Variants in OR7E24 observed in about 807,000 individuals in gnomAD.
OR7E24 encodes olfactory receptor family 7 subfamily E member 24.
For missense variants in OR7E24, 385 were observed against 410.3 expected (o/e 0.94, Z 0.53); for synonymous variants, 130 against 157.5 (o/e 0.83, Z 1.31).
the OR7E24 span, among the ~76,000 whole-genome samples, chr19:9,215,660 G>A: frequency 2.0e-5 from 3 of 152,100 alleles, no homozygotes; most frequent in South Asian, 6.2e-4. Flanking sequence ...TTCTTATTGA[G>A]GTTTAAAAAT....
chr19:9,235,780 G>A, the OR7E24 span: 70 of 1,609,670 alleles, frequency 4.3e-5, no homozygotes, highest in Non-Finnish European at 5.6e-5. Context: ...TCCTGTAGCT[G>A]GGATCCTCTT....
chr19:9,207,820 G>A, the OR7E24 span: 7,410 of 152,066 alleles, frequency 0.049, 625 homozygotes, highest in African/African-American at 0.17. Flanking sequence ...CATGAACACT[G>A]AATTTTACTA....
chr19:9,226,354 C>A, the OR7E24 span, among the ~76,000 whole-genome samples: 2 of 152,196 alleles, frequency 1.3e-5, no homozygotes, highest in Non-Finnish European at 2.9e-5. Flanking sequence ...CTGATGTGTC[C>A]ACCCTACTGC....
the OR7E24 span, chr19:9,212,897 T>A: frequency 6.6e-6 from 1 of 152,080 alleles, no homozygotes; most frequent in Non-Finnish European, 1.5e-5. Context: ...GGAAGACAGG[T>A]GTGAGCCACT....
chr19:9,245,930 C>T (rs1435126701), upstream of OR7E24, among the ~76,000 whole-genome samples: 1 of 152,062 alleles, frequency 6.6e-6, no homozygotes, highest in South Asian at 2.1e-4. Flanking sequence ...TGTCTGTGCA[C>T]GGACTGGTGG....
the OR7E24 span, chr19:9,210,055 T>G: frequency 6.6e-6 from 1 of 152,166 alleles, no homozygotes; most frequent in African/African-American, 2.4e-5. Flanking sequence ...TAGAACACTA[T>G]TTTTGCTACT....
chr19:9,207,193 G>A, the OR7E24 span: 2 of 152,052 alleles, frequency 1.3e-5, no homozygotes, highest in South Asian at 2.1e-4. Context: ...GATTTTCTTC[G>A]GATTTCACTC....
the OR7E24 span, among the ~76,000 whole-genome samples, chr19:9,229,252 A>G: frequency 3.3e-5 from 5 of 152,136 alleles, no homozygotes; most frequent in African/African-American, 9.7e-5. Flanking sequence ...CTTTCCTGCC[A>G]GGGATGGTGG....
chr19:9,252,047 T>C lies in OR7E24; in HGVS notation c.1004T>C (p.Phe335Ser). The change falls in exon 1 of 1, where the codon TTT (phenylalanine) becomes TCT (serine). Residue 335 changes from phenylalanine (F) to serine (S), a missense_variant. Phe to Ser is a radical substitution (Grantham distance 155). Coordinates refer to ENST00000456448, the MANE Select transcript of OR7E24 (RefSeq NM_001079935.2). ...ATCAAATCTCATCATCTCCATCCTT[T>C]TTGTTATATGGGATAGAAATGGCAG... ...RIIKSHHLHP[F>S]CYMG 6.2e-7 allele frequency: 1 copy of C among 1,613,530 alleles called. No homozygotes were observed. Among genetic ancestry groups the C allele is most frequent in the Non-Finnish European group, 8.5e-7 (1 of 1,179,686 alleles).
chr19:9,225,942 T>A, the OR7E24 span, among the ~76,000 whole-genome samples: 1 of 152,214 alleles, frequency 6.6e-6, no homozygotes, highest in African/African-American at 2.4e-5. Context: ...CCCAGAGCCA[T>A]CTGTATTCAT....
upstream of OR7E24, among the ~76,000 whole-genome samples, chr19:9,247,183 CT>C (rs2066132822): frequency 1.3e-5 from 2 of 152,170 alleles, no homozygotes; most frequent in African/African-American, 4.8e-5. Context: ...CCAAAAGCTT[CT>C]GTGGACATTC....
upstream of OR7E24, among the ~76,000 whole-genome samples, chr19:9,249,667 C>A (rs975658586): frequency 2.6e-5 from 4 of 152,100 alleles, no homozygotes; most frequent in African/African-American, 7.2e-5. Flanking sequence ...TTTAACATTA[C>A]CTTGGCCAGG....
the OR7E24 span, among the ~76,000 whole-genome samples, chr19:9,240,729 C>T: frequency 1.3e-5 from 2 of 152,036 alleles, no homozygotes; most frequent in Non-Finnish European, 2.9e-5. Flanking sequence ...CAATCTGCTT[C>T]CAAATAAAGT....
chr19:9,213,703 A>G, the OR7E24 span: 3 of 568,292 alleles, frequency 5.3e-6, no homozygotes, highest in African/African-American at 5.6e-5. Flanking sequence ...GCACCACTGC[A>G]CTCTAGCCTG....
At chr19:9,213,763 A>G in the OR7E24 span, 1 of 656,650 alleles carries the variant, frequency 1.5e-6, no homozygotes, top group Non-Finnish European at 2.6e-6. Flanking sequence ...AACAACAACA[A>G]ACAACCCAAT....
chr19:9,241,589 A>AC, the OR7E24 span, among the ~76,000 whole-genome samples: 1 of 152,106 alleles, frequency 6.6e-6, no homozygotes, highest in East Asian at 1.9e-4. Flanking sequence ...ATGTGGTGAA[A>AC]CCCCATCTCT....
At chr19:9,232,538 C>CA in the OR7E24 span, among the ~76,000 whole-genome samples, 9,255 of 61,888 alleles carry the variant, frequency 0.15, 690 homozygotes, top group East Asian at 0.28. Context: ...AACTCCGTCG[C>CA]AAAAAAAAAA....
At chr19:9,236,225 T>A in the OR7E24 span, 3 of 601,254 alleles carry the variant, frequency 5.0e-6, no homozygotes, top group Middle Eastern at 2.9e-4. Context: ...TAAAATGTTT[T>A]TGTATGGCCG....
At chr19:9,246,466 TTGTGTGTGTGTGTGTGTGTG>T (rs34518365), upstream of OR7E24, among the ~76,000 whole-genome samples, 72 of 131,064 alleles carry the variant, frequency 5.5e-4, no homozygotes, top group South Asian at 9.4e-3. Context: ...CTTAAAGGTA[TTGTGTGTGTGTGTGTGTGTG>T]TGTGTGTGTG....
Sources: gnomAD v4.1 joint callset for allele counts (sites outside exome capture counted in the v4.1 genomes callset) on GRCh38, gnomAD v4.1.1 for gene constraint, MANE v1.5 for transcripts, NCBI Gene and HGNC (gene_info 2026-07-23, HGNC 2026-07-21) for gene names.